Variants in MECOM observed in about 807,000 individuals in gnomAD.
MECOM encodes the protein histone-lysine N-methyltransferase MECOM.
Under a neutral mutation model 116.3 loss-of-function variants are expected in MECOM, and 13 were observed. The ratio of observed to expected loss-of-function variants is 0.11; its 90% CI spans 0.07 to 0.18. The LOEUF (loss-of-function observed/expected upper bound fraction) is 0.18, where lower values mean the gene tolerates loss of function less well. Among genes scored for constraint, MECOM ranks in the 10% least tolerant of loss-of-function variants. The probability of loss-of-function intolerance (pLI) is 1.00; values close to 1 mark genes in which losing one functional copy is unlikely to be tolerated. For missense variants in MECOM, 1,299 were observed against 1,509.0 expected, an observed-to-expected ratio of 0.86 and a Z score of 2.31; for synonymous variants, 528 against 535.2, an observed-to-expected ratio of 0.99 and a Z score of 0.19.
chr3:169,299,175 T>C (rs531817416), intron 2 of MECOM, among the ~76,000 whole-genome samples: 4 of 152,198 alleles, frequency 2.6e-5, no homozygotes, highest in African/African-American at 7.2e-5. Context: ...TTTCCACCTA[T>C]AGTCATTACT....
At chr3:169,581,814 T>C (rs1765152843) in intron 1 of MECOM, among the ~76,000 whole-genome samples, 2 of 152,244 alleles carry the variant, frequency 1.3e-5, no homozygotes. Context: ...GTTCCATGCC[T>C]GTCCTGGTGT....
At chr3:169,386,211 CAA>C (rs1304418012) in intron 1 of MECOM, among the ~76,000 whole-genome samples, 1 of 152,160 alleles carries the variant, frequency 6.6e-6, no homozygotes, top group Non-Finnish European at 1.5e-5. Flanking sequence ...TCAGAACCTT[CAA>C]AGAGAAGAAA....
chr3:169,496,183 T>C lies in MECOM; in HGVS notation c.38-114659A>G, dbSNP rs555500300. On this transcript the variant is annotated intron_variant, in intron 1 of 16. Coordinates refer to ENST00000651503, the MANE Select transcript of MECOM (RefSeq NM_004991.4). ...AGAATTTCTCACCATTGAAAACATATTAGGGATGGGCAGAGTCTATCAGGA... is the reference window on the plus strand; with the variant it reads ...AGAATTTCTCACCATTGAAAACATACTAGGGATGGGCAGAGTCTATCAGGA... 4.2e-4 allele frequency among the ~76,000 whole-genome samples: 64 copies of C among 152,266 alleles called. 1 individual carries two copies. In the South Asian group the frequency reaches 0.011, roughly 26 times the overall value.
chr3:169,584,341 G>A (rs907712239), intron 1 of MECOM, among the ~76,000 whole-genome samples: 61 of 151,730 alleles, frequency 4.0e-4, no homozygotes, highest in Admixed American at 3.1e-3. Flanking sequence ...CGGGGCGGGC[G>A]GATCACGAGG....
At chr3:169,424,105 A>G (rs1578059066) in intron 1 of MECOM, among the ~76,000 whole-genome samples, 1 of 152,128 alleles carries the variant, frequency 6.6e-6, no homozygotes, top group South Asian at 2.1e-4. Flanking sequence ...ACATTTCATC[A>G]TCTTCTCAAC....
rs138978842 is a variant in MECOM, at chr3:169,127,978, G to A, written c.696C>T (p.Cys232=). The change falls in exon 5 of 17, where the codon TGC becomes TGT. Residue 232 remains cysteine (C), a synonymous_variant. Coordinates refer to ENST00000651503, the MANE Select transcript of MECOM (RefSeq NM_004991.4). The part of the protein sequence containing the change: ...AELADHQKFP[C]STPHSAFSMV... Reference sequence around the variant, plus strand: ...TTGAAAATGCTGAGTGAGGAGTACTGCATGGAAACTTTTGGTGATCTGCTA... The same window carrying A: ...TTGAAAATGCTGAGTGAGGAGTACTACATGGAAACTTTTGGTGATCTGCTA... The A allele has an allele frequency of 6.2e-6, 10 of 1,614,026 alleles. No homozygotes were observed. In the African/African-American group the frequency reaches 1.2e-4, roughly 19 times the overall value.
At chr3:169,463,336 G>C (rs113938571) in intron 1 of MECOM, among the ~76,000 whole-genome samples, 93 of 152,094 alleles carry the variant, frequency 6.1e-4, no homozygotes, top group Non-Finnish European at 1.1e-3. Context: ...GGCATACTTA[G>C]TTTGTTGTTC....
intron 2 of MECOM, among the ~76,000 whole-genome samples, chr3:169,319,903 A>G (rs937994498): frequency 1.3e-5 from 2 of 152,226 alleles, no homozygotes; most frequent in Non-Finnish European, 2.9e-5. Context: ...AATATTTCAA[A>G]TGTATAGCAT....
At chr3:169,174,369 T>C (rs1280115291) in intron 2 of MECOM, among the ~76,000 whole-genome samples, 2 of 152,308 alleles carry the variant, frequency 1.3e-5, no homozygotes, top group East Asian at 3.9e-4. Context: ...GATACATTAC[T>C]AATGTAATGG....
intron 1 of MECOM, among the ~76,000 whole-genome samples, chr3:169,456,226 A>G (rs1746464412): frequency 6.6e-6 from 1 of 152,032 alleles, no homozygotes; most frequent in Non-Finnish European, 1.5e-5. Flanking sequence ...CTTCATTCAC[A>G]CCTGGGTCCT....
intron 1 of MECOM, among the ~76,000 whole-genome samples, chr3:169,604,345 C>T (rs1768236797): frequency 6.6e-6 from 1 of 151,836 alleles, no homozygotes; most frequent in Non-Finnish European, 1.5e-5. Flanking sequence ...CCGAGGAGTA[C>T]AATTTGAAAA....
At chr3:169,599,631 G>A (rs1390987634) in intron 1 of MECOM, among the ~76,000 whole-genome samples, 1 of 152,008 alleles carries the variant, frequency 6.6e-6, no homozygotes, top group African/African-American at 2.4e-5. Flanking sequence ...GCTTTGTGAA[G>A]ATGTTCCATT....
chr3:169,233,874 C>T (rs1753708265), intron 2 of MECOM, among the ~76,000 whole-genome samples: 1 of 152,104 alleles, frequency 6.6e-6, no homozygotes, highest in Admixed American at 6.6e-5. Flanking sequence ...GCATGTCTCC[C>T]AATTTCCTGA....
intron 2 of MECOM, among the ~76,000 whole-genome samples, chr3:169,211,288 G>T (rs1387670172): frequency 6.6e-6 from 1 of 151,984 alleles, no homozygotes; most frequent in African/African-American, 2.4e-5. Context: ...TGAGGCCTTG[G>T]ACATGATCTC....
chr3:169,627,230 G>A (rs1285603436), intron 1 of MECOM, among the ~76,000 whole-genome samples: 4 of 152,174 alleles, frequency 2.6e-5, no homozygotes, highest in South Asian at 2.1e-4. Flanking sequence ...GCACTATGTC[G>A]TGAGGTTTGA....
At chr3:169,288,657 G>A (rs1391659677) in intron 2 of MECOM, among the ~76,000 whole-genome samples, 1 of 152,082 alleles carries the variant, frequency 6.6e-6, no homozygotes, top group Non-Finnish European at 1.5e-5. Flanking sequence ...ATGGGGTTTT[G>A]TTGTTGTCTC....
intron 1 of MECOM, among the ~76,000 whole-genome samples, chr3:169,407,564 T>A (rs1736901293): frequency 6.6e-6 from 1 of 152,220 alleles, no homozygotes; most frequent in Non-Finnish European, 1.5e-5. Context: ...CAACAAAATG[T>A]ACTCTTGACA....
At chr3:169,524,556 G>A (rs1335397001) in intron 1 of MECOM, among the ~76,000 whole-genome samples, 1 of 152,170 alleles carries the variant, frequency 6.6e-6, no homozygotes, top group Non-Finnish European at 1.5e-5. Flanking sequence ...ATGAAAGCAA[G>A]TTTAGATTTC....
At chr3:169,166,166 T>C (rs1006491363) in intron 2 of MECOM, among the ~76,000 whole-genome samples, 1 of 152,216 alleles carries the variant, frequency 6.6e-6, no homozygotes, top group Non-Finnish European at 1.5e-5. Context: ...ACAGAATTTA[T>C]TCTTGAATGA....
Sources: allele counts gnomAD v4.1 joint callset (sites outside exome capture counted in the v4.1 genomes callset), GRCh38; gene constraint gnomAD v4.1.1; transcripts MANE v1.5; gene names NCBI Gene and HGNC (gene_info 2026-07-23, HGNC 2026-07-21).